RTF2: variants seen among roughly 807,000 people sequenced by gnomAD.
RTF2 encodes the protein replication termination factor 2.
RTF2 carries 18 observed loss-of-function variants against 38.0 expected under a neutral mutation model. That is an observed-to-expected ratio of 0.47 (90% confidence interval 0.33 to 0.70). RTF2 has a LOEUF of 0.70. Among genes scored for constraint, RTF2 ranks in the 30% least tolerant of loss-of-function variants. The probability of loss-of-function intolerance (pLI) is 0.02; values close to 1 mark genes in which losing one functional copy is unlikely to be tolerated. For synonymous variants in RTF2, 126 were observed against 137.1 expected (o/e 0.92, Z 0.57); for missense variants, 311 against 379.6 (o/e 0.82, Z 1.50).
At chr20:56,499,396 T>G (rs1983775915) in intron 5 of RTF2, among the ~76,000 whole-genome samples, 1 of 152,078 alleles carries the variant, frequency 6.6e-6, no homozygotes, top group African/African-American at 2.4e-5. Flanking sequence ...ATGGCCAGGC[T>G]GGTCTCAAAC....
intron 5 of RTF2, chr20:56,495,121 G>T: frequency 1.1e-6 from 1 of 924,426 alleles, no homozygotes; most frequent in Non-Finnish European, 1.7e-6. Context: ...CCTCCGTCTT[G>T]CCCACTAGGA....
chr20:56,473,486 A>C (rs1982075884), intron 2 of RTF2, 91 bp downstream of exon 2: 2 of 917,214 alleles, frequency 2.2e-6, no homozygotes, highest in Non-Finnish European at 3.5e-6. Flanking sequence ...TCAAGCGTGG[A>C]TTATCCCAAG....
At chr20:56,477,781 A>C (rs1982331901) in intron 4 of RTF2, among the ~76,000 whole-genome samples, 1 of 152,220 alleles carries the variant, frequency 6.6e-6, no homozygotes, top group Non-Finnish European at 1.5e-5. Flanking sequence ...CTGGGATAAC[A>C]TGTGGGAGCC....
intron 5 of RTF2, among the ~76,000 whole-genome samples, chr20:56,486,015 T>C (rs1333009871): frequency 1.3e-5 from 2 of 152,146 alleles, no homozygotes; most frequent in East Asian, 3.9e-4. Context: ...AGCATGGTTA[T>C]TGGTTGCACT....
chr20:56,488,987 C>T (rs1156987248), intron 5 of RTF2, among the ~76,000 whole-genome samples: 2 of 152,218 alleles, frequency 1.3e-5, no homozygotes, highest in Non-Finnish European at 2.9e-5. Context: ...CACTGAAGCC[C>T]AGTCTCAGGC....
Position 56,477,057 on chromosome 20 carries a change from C to T in RTF2, c.331C>T (p.His111Tyr), listed in dbSNP as rs932144676. The T allele has an allele frequency of 6.2e-7, 1 of 1,613,984 alleles. No homozygotes were observed. The highest frequency in any genetic ancestry group is 8.5e-7 in the Non-Finnish European group (1 of 1,179,988). The change falls in exon 4 of 9, where the codon CAC (histidine) becomes TAC (tyrosine). Residue 111 changes from histidine to tyrosine, a missense_variant. Physicochemically the swap from His to Tyr is moderately conservative, Grantham distance 83. Transcript: ENST00000357348. ...TAAAGGAAACACTAAAGGTGACAAGCACGATGACCTCCAGCGGGCGCGTTT... is the reference window on the plus strand; with the variant it reads ...TAAAGGAAACACTAAAGGTGACAAGTACGATGACCTCCAGCGGGCGCGTTT... Reference protein sequence around the residue: ...GDKGNTKGDKHDDLQRARFIC... With the variant: ...GDKGNTKGDKYDDLQRARFIC...
At chr20:56,480,907 G>A (rs561398508) in intron 4 of RTF2, among the ~76,000 whole-genome samples, 1 of 152,280 alleles carries the variant, frequency 6.6e-6, no homozygotes, top group East Asian at 1.9e-4. Flanking sequence ...ACAGATCACC[G>A]TAACAGATGT....
chr20:56,469,176 AT>A (rs1198840542), intron 1 of RTF2, among the ~76,000 whole-genome samples: 1 of 152,164 alleles, frequency 6.6e-6, no homozygotes, highest in East Asian at 1.9e-4. Context: ...CACTAACTTC[AT>A]TTGCTCAGAG....
chr20:56,491,404 G>A, intron 5 of RTF2: 1 of 626,692 alleles, frequency 1.6e-6, no homozygotes, highest in African/African-American at 1.8e-5. Flanking sequence ...AAAGTGGCCT[G>A]TAATCAATAG....
chr20:56,471,279 A>G (rs953469947), intron 1 of RTF2, among the ~76,000 whole-genome samples: 2 of 152,166 alleles, frequency 1.3e-5, no homozygotes, highest in East Asian at 3.9e-4. Context: ...TAGAAAAAAC[A>G]CTTGTCTGGC....
At chr20:56,489,764 A>G (rs1429990605) in intron 5 of RTF2, among the ~76,000 whole-genome samples, 1 of 152,228 alleles carries the variant, frequency 6.6e-6, no homozygotes, top group East Asian at 1.9e-4. Flanking sequence ...GTTTTAAGTA[A>G]CTTGAAAGAT....
At chr20:56,484,280 A>G in intron 5 of RTF2, 91 bp downstream of exon 5, 1 of 1,108,518 alleles carries the variant, frequency 9.0e-7, no homozygotes, top group Non-Finnish European at 1.4e-6. Context: ...TTCTTTCTGA[A>G]ATCAGCTCTC....
chr20:56,485,131 T>C (rs1600803125), intron 5 of RTF2, among the ~76,000 whole-genome samples: 1 of 151,978 alleles, frequency 6.6e-6, no homozygotes, highest in Admixed American at 6.6e-5. Flanking sequence ...TTGTGACCGA[T>C]GCTAGGAAGG....
intron 6 of RTF2, among the ~76,000 whole-genome samples, chr20:56,515,176 A>T (rs1426771925): frequency 1.3e-5 from 2 of 152,210 alleles, no homozygotes; most frequent in African/African-American, 4.8e-5. Context: ...AGAGAGAAAA[A>T]AAGAGGGAAA....
chr20:56,516,985 T>C lies in RTF2; in HGVS notation c.642T>C (p.Ser214=), dbSNP rs368029194. The change falls in exon 7 of 9, where the codon AGT becomes AGC. Residue 214 remains serine, a synonymous_variant. Transcript: ENST00000357348. ...AAESVSKPDV[S]EEAPGPSKVK... is the part of the protein sequence containing the mutation. The stretch of plus-strand genomic sequence containing the variant: ...AGTCTGTTTCAAAACCAGATGTCAG[T>C]GAAGGTAAGATCCTTCAAGAGATCC... The C allele has an allele frequency of 6.2e-7, 1 of 1,613,832 alleles. No individual in the cohort carries two copies. Among genetic ancestry groups the C allele is most frequent in the Non-Finnish European group, 8.5e-7 (1 of 1,179,804 alleles).
chr20:56,498,974 A>G (rs1256469307), intron 5 of RTF2, among the ~76,000 whole-genome samples: 2 of 152,158 alleles, frequency 1.3e-5, no homozygotes, highest in Admixed American at 6.5e-5. Context: ...ACTCTGAGCC[A>G]ACAAAAACTG....
At chr20:56,507,764 C>T (rs1984374739) in intron 5 of RTF2, among the ~76,000 whole-genome samples, 1 of 152,180 alleles carries the variant, frequency 6.6e-6, no homozygotes, top group African/African-American at 2.4e-5. Flanking sequence ...CTCCCCACCC[C>T]TGGGCCCTTT....
chr20:56,507,228 G>A (rs1483591125), intron 5 of RTF2, among the ~76,000 whole-genome samples: 3 of 152,040 alleles, frequency 2.0e-5, no homozygotes, highest in African/African-American at 4.8e-5. Flanking sequence ...GTGACTTTGC[G>A]GCAGCCCCAC....
chr20:56,476,350 C>T (rs1340592055), intron 3 of RTF2, among the ~76,000 whole-genome samples: 1 of 151,976 alleles, frequency 6.6e-6, no homozygotes, highest in Non-Finnish European at 1.5e-5. Flanking sequence ...GAAAGCATTC[C>T]CTTCTGGGTG....
Sources: gnomAD v4.1 joint callset for allele counts (sites outside exome capture counted in the v4.1 genomes callset) on GRCh38, gnomAD v4.1.1 for gene constraint, MANE v1.5 for transcripts, NCBI Gene and HGNC (gene_info 2026-07-23, HGNC 2026-07-21) for gene names.